STK38: variants seen among roughly 807,000 people sequenced by gnomAD.
STK38 encodes the protein serine/threonine kinase 38.
Under a neutral mutation model 59.0 loss-of-function variants are expected in STK38, and 26 were observed. The observed-to-expected ratio is 0.44, with a 90% CI of 0.32 to 0.61. The LOEUF (loss-of-function observed/expected upper bound fraction) is 0.61. Among genes scored for constraint, STK38 ranks in the 20% least tolerant of loss-of-function variants. The probability of loss-of-function intolerance (pLI) is 0.04; values close to 1 mark genes in which losing one functional copy is unlikely to be tolerated. For synonymous variants in STK38, 175 were observed against 176.6 expected (o/e 0.99, Z 0.07); for missense variants, 433 against 566.0 (o/e 0.76, Z 2.38).
chr6:36,513,973 G>A (rs1333586289), intron 7 of STK38, among the ~76,000 whole-genome samples: 3 of 150,520 alleles, frequency 2.0e-5, no homozygotes, highest in South Asian at 2.1e-4. Flanking sequence ...GGCTAACACC[G>A]TGAAACCCCG....
intron 5 of STK38, 93 bp from the exon 6 acceptor site, chr6:36,517,933 C>T (rs1777294779): frequency 6.9e-7 from 1 of 1,441,538 alleles, no homozygotes; most frequent in African/African-American, 1.4e-5. Context: ...TGCTTAAATA[C>T]TGTTTTGAGT....
Position 36,521,374 on chromosome 6 carries a change from T to C in STK38, c.390+360A>G, listed in dbSNP as rs569883927. ...TCCTAGTCCTTAGTTATGAGATATATATACAATTTCTATTTCTCAGCATTT... is the reference window on the plus strand; with the variant it reads ...TCCTAGTCCTTAGTTATGAGATATACATACAATTTCTATTTCTCAGCATTT... On this transcript the variant is annotated intron_variant, in intron 5 of 13. Transcript: ENST00000229812. Among the ~76,000 whole-genome samples the C allele has an allele frequency of 4.1e-4, 62 of 152,174 alleles. 1 individual carries two copies. The South Asian group carries it at 0.013, about 32-fold the overall frequency.
chr6:36,495,990 C>T, intron 13 of STK38, 76 bp from the exon 14 acceptor site: 1 of 1,486,010 alleles, frequency 6.7e-7, no homozygotes, highest in Non-Finnish European at 9.2e-7. Context: ...GAAGACAGGA[C>T]TATGAAGAAC....
intron 3 of STK38, among the ~76,000 whole-genome samples, chr6:36,525,191 G>A (rs992083050): frequency 6.6e-6 from 1 of 152,170 alleles, no homozygotes; most frequent in Non-Finnish European, 1.5e-5. Flanking sequence ...ATATACCTAT[G>A]TAATAAACCT....
chr6:36,500,926 CTTAA>C (rs1287405140), intron 9 of STK38, among the ~76,000 whole-genome samples: 1 of 151,770 alleles, frequency 6.6e-6, no homozygotes, highest in Non-Finnish European at 1.5e-5. Flanking sequence ...ATTTACCAAA[CTTAA>C]TTGTTTTTGT....
chr6:36,517,900 T>A, intron 5 of STK38, 60 bp from the exon 6 acceptor site: 2 of 1,576,064 alleles, frequency 1.3e-6, no homozygotes. Context: ...GATTGTATAT[T>A]TGCTTAAACA....
intron 1 of STK38, among the ~76,000 whole-genome samples, chr6:36,541,530 G>T (rs1180186528): frequency 6.6e-6 from 1 of 152,034 alleles, no homozygotes; most frequent in Non-Finnish European, 1.5e-5. Flanking sequence ...GGGAAATTAG[G>T]GATAACTTGA....
chr6:36,541,309 G>A (rs1021531405), intron 1 of STK38, among the ~76,000 whole-genome samples: 18 of 152,206 alleles, frequency 1.2e-4, no homozygotes, highest in Middle Eastern at 3.4e-3. Flanking sequence ...TAAACCACAC[G>A]CCTGTAATCC....
intron 2 of STK38, among the ~76,000 whole-genome samples, chr6:36,530,572 C>G (rs536423225): frequency 7.2e-5 from 11 of 151,818 alleles, no homozygotes; most frequent in Non-Finnish European, 1.5e-4. Context: ...ACCATGTTGG[C>G]CAGTCTGGTC....
chr6:36,540,807 G>A (rs1004978800), intron 1 of STK38, among the ~76,000 whole-genome samples: 11 of 152,028 alleles, frequency 7.2e-5, no homozygotes, highest in Non-Finnish European at 1.3e-4. Flanking sequence ...TGTATTTTTA[G>A]TAGAGACGGG....
At chr6:36,526,585 C>T (rs1238196941) in intron 2 of STK38, among the ~76,000 whole-genome samples, 1 of 151,870 alleles carries the variant, frequency 6.6e-6, no homozygotes, top group Non-Finnish European at 1.5e-5. Context: ...ATGGTGAAAC[C>T]CCATCTCTAC....
chr6:36,496,754 T>C lies in STK38; in HGVS notation c.1224A>G (p.Ser408=). The change falls in exon 13 of 14, where the codon TCA becomes TCG. Residue 408 remains serine (S), a synonymous_variant. Coordinates refer to ENST00000229812, the MANE Select transcript of STK38 (RefSeq NM_007271.4). Reference sequence around the variant, plus strand: ...CAGATTCTGGAAACTCATCGAAGTTTGAGGTATCATCAATGCTTTTGATTT... The same window carrying C: ...CAGATTCTGGAAACTCATCGAAGTTCGAGGTATCATCAATGCTTTTGATTT... ...SIEIKSIDDT[S]NFDEFPESDI... 1 of 1,613,822 alleles carries C rather than the reference T, an allele frequency of 6.2e-7. No homozygotes were observed.
intron 2 of STK38, among the ~76,000 whole-genome samples, chr6:36,536,632 C>G (rs895602550): frequency 2.0e-5 from 3 of 152,070 alleles, no homozygotes; most frequent in African/African-American, 7.2e-5. Flanking sequence ...CTCCTGGGTT[C>G]AAGCGATTCT....
intron 2 of STK38, among the ~76,000 whole-genome samples, chr6:36,532,649 C>T (rs964210444): frequency 1.3e-5 from 2 of 151,854 alleles, no homozygotes; most frequent in Non-Finnish European, 2.9e-5. Context: ...CAGTGGCTCA[C>T]ACACTCTGGG....
rs371226654 is a variant in STK38 at position 36,500,746 on chromosome 6, G to A, written c.835-756C>T. ...CTGCACTCCAGCCTGGCGACAGAGT[G>A]AGACTCTGTCTCAAAAAAAAAAAAA... On this transcript the variant is annotated intron_variant, in intron 9 of 13. Transcript: ENST00000229812. 1.3e-4 allele frequency among the ~76,000 whole-genome samples: 16 copies of A among 123,666 alleles called. No homozygotes were observed. In the East Asian group the frequency reaches 3.7e-3, roughly 29 times the overall value. 81.1% of individuals were successfully genotyped at this position (123,666 alleles called of 152,430 possible). A position where few individuals can be genotyped will look rare whatever the true frequency, so the allele number is the denominator to read the frequency against.
At chr6:36,523,926 G>T (rs1777446254) in intron 4 of STK38, among the ~76,000 whole-genome samples, 1 of 152,134 alleles carries the variant, frequency 6.6e-6, no homozygotes, top group African/African-American at 2.4e-5. Flanking sequence ...TTGAGTTCAG[G>T]AAGTAGAGCC....
chr6:36,498,174 C>A (rs1311787042), intron 11 of STK38, among the ~76,000 whole-genome samples, 189 bp downstream of exon 11: 1 of 152,034 alleles, frequency 6.6e-6, no homozygotes, highest in Non-Finnish European at 1.5e-5. Context: ...TCAAGTGATC[C>A]CCCTGCCTCA....
chr6:36,515,574 A>C, intron 6 of STK38, 82 bp from the exon 7 acceptor site: 1 of 1,583,510 alleles, frequency 6.3e-7, no homozygotes, highest in Non-Finnish European at 8.5e-7. Flanking sequence ...AGTGAGTACC[A>C]ATTTTCAGAT....
chr6:36,505,112 C>A (rs1272835038), intron 9 of STK38, among the ~76,000 whole-genome samples: 5 of 152,118 alleles, frequency 3.3e-5, no homozygotes, highest in African/African-American at 9.7e-5. Flanking sequence ...AAACCAGATA[C>A]CCAGACTATA....
Sources: gnomAD v4.1 joint callset for allele counts (sites outside exome capture counted in the v4.1 genomes callset) on GRCh38, gnomAD v4.1.1 for gene constraint, MANE v1.5 for transcripts, NCBI Gene and HGNC (gene_info 2026-07-23, HGNC 2026-07-21) for gene names.